Variants in FPR3 observed in about 807,000 individuals in gnomAD.
FPR3 encodes the protein formyl peptide receptor 3.
For synonymous variants in FPR3, 135 were observed against 163.6 expected, an observed-to-expected ratio of 0.83 and a Z score of 1.34; for missense variants, 346 against 443.2, an observed-to-expected ratio of 0.78 and a Z score of 1.97.
rs1161063533 is a variant in FPR3, at chr19:51,807,050, CG to C, written c.-11+11720del. On this transcript the variant is annotated intron_variant, in intron 1 of 1. Coordinates refer to ENST00000339223, the MANE Select transcript of FPR3 (RefSeq NM_002030.5). ...TGACAATGTTGATTGTAGCCTGCCA[CG>C]ATCCCTGATGGACTGAACAAAGGGG... Among the ~76,000 whole-genome samples, 7 of 152,244 alleles carry C rather than the reference CG, an allele frequency of 4.6e-5. No individual in the cohort carries two copies. In the East Asian group the frequency reaches 1.4e-3, roughly 29 times the overall value.
rs1029947307 is a variant in FPR3 at position 51,824,115 on chromosome 19, C to T, written c.367C>T (p.Arg123Cys). 16 of 1,613,744 alleles carry T rather than the reference C, an allele frequency of 9.9e-6. No individual in the cohort carries two copies. Among genetic ancestry groups the T allele is most frequent in the African/African-American group, 6.7e-5 (5 of 74,894 alleles). The change falls in exon 2 of 2, where the codon CGC becomes TGC. Residue 123 changes from arginine (R) to cysteine (C), a missense_variant. Transcript: ENST00000339223. The surrounding 1 kb of genome is among the most constrained non-coding windows in gnomAD (Gnocchi z 4.7). ...VYLITIIALD[R>C]CICVLHPAWA... ...CCTGATCACCATCATTGCTCTGGACCGCTGTATTTGTGTCCTGCATCCAGC... is the reference window on the plus strand; with the variant it reads ...CCTGATCACCATCATTGCTCTGGACTGCTGTATTTGTGTCCTGCATCCAGC...
rs186830310 is a variant in FPR3 at position 51,807,218 on chromosome 19, G to C, written c.-11+11887G>C. Reference sequence around the variant, plus strand: ...CAGGCAAAAGAGATAGCAGGAAGTGGGGGGGGTGGTTGCTGGCTAGCAGCC... The same window carrying C: ...CAGGCAAAAGAGATAGCAGGAAGTGCGGGGGGTGGTTGCTGGCTAGCAGCC... On this transcript the variant is annotated intron_variant, in intron 1 of 1. Coordinates refer to ENST00000339223, the MANE Select transcript of FPR3 (RefSeq NM_002030.5). 5.4e-3 allele frequency among the ~76,000 whole-genome samples: 346 copies of C among 64,576 alleles called. 1 individual carries two copies. The highest frequency in any genetic ancestry group is 0.031 in the African/African-American group (327 of 10,684). The allele number at this position is 64,576 out of a possible 152,430, so 42.4% of individuals were successfully genotyped here.
Position 51,825,852 on chromosome 19 carries a change from G to C in FPR3, c.*1042G>C, listed in dbSNP as rs1306747155. The C allele has an allele frequency of 6.0e-6, 1 of 167,106 alleles. No homozygotes were observed. Among genetic ancestry groups the C allele is most frequent in the Non-Finnish European group, 1.5e-5 (1 of 68,134 alleles). 10.4% of individuals were successfully genotyped at this position (167,106 alleles called of 1,614,324 possible). ...GTGGAAGTGGGAAAAGAGTACAAGAGAAGAGACAAAGTGGGGATATTTGTA... is the reference window on the plus strand; with the variant it reads ...GTGGAAGTGGGAAAAGAGTACAAGACAAGAGACAAAGTGGGGATATTTGTA... On this transcript the variant is annotated 3_prime_UTR_variant, in exon 2 of 2. Coordinates refer to ENST00000339223, the MANE Select transcript of FPR3 (RefSeq NM_002030.5).
chr19:51,803,977 A>G (rs984370136), intron 1 of FPR3: 1 of 152,206 alleles, frequency 6.6e-6, no homozygotes, highest in African/African-American at 2.4e-5. Context: ...AAACTTCAAC[A>G]TAAAACGTTG....
At chr19:51,796,436 A>T (rs558128335) in intron 1 of FPR3, among the ~76,000 whole-genome samples, 5 of 152,358 alleles carry the variant, frequency 3.3e-5, no homozygotes, top group African/African-American at 1.2e-4. Flanking sequence ...GGTATTGCGA[A>T]TAACATCACC....
chr19:51,821,140 C>G (rs747095450), intron 1 of FPR3, among the ~76,000 whole-genome samples: 2 of 152,212 alleles, frequency 1.3e-5, no homozygotes, highest in Non-Finnish European at 2.9e-5. Context: ...CATGTCCAGT[C>G]TCACTTAATC....
intron 1 of FPR3, among the ~76,000 whole-genome samples, chr19:51,802,910 C>A (rs1304085309): frequency 1.3e-5 from 2 of 152,068 alleles, no homozygotes; most frequent in Non-Finnish European, 2.9e-5. Context: ...ATACAAACTT[C>A]ATATGGTTCC....
chr19:51,812,853 G>T (rs1211179687), intron 1 of FPR3, among the ~76,000 whole-genome samples: 1 of 152,104 alleles, frequency 6.6e-6, no homozygotes, highest in African/African-American at 2.4e-5. Flanking sequence ...AGACGTGGGG[G>T]CTCATGCCTG....
chr19:51,820,652 G>C (rs1294903488), intron 1 of FPR3, among the ~76,000 whole-genome samples: 1 of 152,198 alleles, frequency 6.6e-6, no homozygotes, highest in East Asian at 1.9e-4. Context: ...TTTGGAGAGT[G>C]GTAGAGAAAA....
At chr19:51,811,001 C>T (rs2084092851) in intron 1 of FPR3, among the ~76,000 whole-genome samples, 2 of 152,258 alleles carry the variant, frequency 1.3e-5, no homozygotes, top group Admixed American at 6.5e-5. Flanking sequence ...CTGGAGGAGG[C>T]TGTATAGGCC....
At chr19:51,816,714 C>T (rs1352812002) in intron 1 of FPR3, among the ~76,000 whole-genome samples, 1 of 152,206 alleles carries the variant, frequency 6.6e-6, no homozygotes, top group African/African-American at 2.4e-5. Context: ...GCATTGGTAT[C>T]TGAAGTGAAG....
At chr19:51,815,178 C>T (rs1482268926) in intron 1 of FPR3, among the ~76,000 whole-genome samples, 6 of 152,102 alleles carry the variant, frequency 3.9e-5, no homozygotes, top group Non-Finnish European at 8.8e-5. Flanking sequence ...GGCTGACCAC[C>T]ACAAAAATCA....
chr19:51,811,827 G>A (rs1207231130), intron 1 of FPR3, among the ~76,000 whole-genome samples: 1 of 152,172 alleles, frequency 6.6e-6, no homozygotes, highest in Non-Finnish European at 1.5e-5. Context: ...AGTGGGAGTA[G>A]TCGTGAGTTT....
At chr19:51,815,503 A>G (rs543634440) in intron 1 of FPR3, among the ~76,000 whole-genome samples, 1 of 150,588 alleles carries the variant, frequency 6.6e-6, no homozygotes, top group South Asian at 2.1e-4. Flanking sequence ...TGGGAGGTGG[A>G]GGTTGCAGTG....
intron 1 of FPR3, among the ~76,000 whole-genome samples, chr19:51,823,432 C>T (rs945519788): frequency 6.6e-6 from 1 of 152,154 alleles, no homozygotes; most frequent in Non-Finnish European, 1.5e-5. Context: ...GAAGCTGAAG[C>T]TGCCTATGCT....
rs748290067 is a variant in FPR3 at position 51,824,157 on chromosome 19, C to G, written c.409C>G (p.Arg137Gly). 16 of 1,613,876 alleles carry G rather than the reference C, an allele frequency of 9.9e-6. No individual in the cohort carries two copies. The highest frequency in any genetic ancestry group is 2.2e-5 in the East Asian group (1 of 44,868). Residue 137 changes from arginine (R) to glycine (G), a missense_variant, in exon 2 of 2, where the codon CGC becomes GGC. Coordinates refer to ENST00000339223, the MANE Select transcript of FPR3 (RefSeq NM_002030.5). The surrounding 1 kb of genome is among the most constrained non-coding windows in gnomAD (Gnocchi z 4.7). ...GCATCCAGCCTGGGCCCAGAACCATCGCACCATGAGTCTGGCCAAGAGGGT... is the reference window on the plus strand; with the variant it reads ...GCATCCAGCCTGGGCCCAGAACCATGGCACCATGAGTCTGGCCAAGAGGGT... ...VLHPAWAQNH[R>G]TMSLAKRVMT...
At chr19:51,804,860 C>A (rs1344551254) in intron 1 of FPR3, 1 of 152,096 alleles carries the variant, frequency 6.6e-6, no homozygotes, top group African/African-American at 2.4e-5. Context: ...GTGGACAAGG[C>A]CCTGAGCTTT....
rs1446971783 is a variant in FPR3, at chr19:51,816,505, C to A, written c.-10-7234C>A. On this transcript the variant is annotated intron_variant, in intron 1 of 1. Transcript: ENST00000339223. Reference sequence around the variant, plus strand: ...TCAAGTGATCCACCAGCCTCAGACTCTCAAAGTGCTGGGATTACTGGCGTG... The same window carrying A: ...TCAAGTGATCCACCAGCCTCAGACTATCAAAGTGCTGGGATTACTGGCGTG... Among the ~76,000 whole-genome samples the A allele has an allele frequency of 2.0e-5, 3 of 152,250 alleles. No individual in the cohort carries two copies. The South Asian group carries it at 6.2e-4, about 31-fold the overall frequency.
intron 1 of FPR3, among the ~76,000 whole-genome samples, chr19:51,813,897 T>G (rs2084115849): frequency 6.6e-6 from 1 of 152,190 alleles, no homozygotes; most frequent in Non-Finnish European, 1.5e-5. Context: ...TTGTTTATCT[T>G]CATCCTTCTG....
Sources: allele counts gnomAD v4.1 joint callset (sites outside exome capture counted in the v4.1 genomes callset), GRCh38; gene constraint gnomAD v4.1.1; non-coding constraint Gnocchi (gnomAD v3.1); transcripts MANE v1.5; gene names NCBI Gene and HGNC (gene_info 2026-07-23, HGNC 2026-07-21).